Variants in COP1 observed in about 807,000 individuals in gnomAD.
COP1 encodes COP1 E3 ubiquitin ligase, also known as E3 ubiquitin-protein ligase COP1.
COP1 carries 24 observed loss-of-function variants against 101.3 expected under a neutral mutation model. The ratio of observed to expected loss-of-function variants is 0.24; its 90% CI spans 0.17 to 0.33. The LOEUF is 0.33. COP1 is among the 10% of genes least tolerant of loss of function. The pLI is 1.00. For missense variants in COP1, 663 were observed against 906.2 expected (o/e 0.73, Z 3.45); for synonymous variants, 347 against 341.9 (o/e 1.01, Z -0.17).
intron 18 of COP1, among the ~76,000 whole-genome samples, chr1:175,951,657 G>C (rs1197952183): frequency 6.6e-6 from 1 of 151,692 alleles, no homozygotes; most frequent in Non-Finnish European, 1.5e-5. Flanking sequence ...GGCAATTTCT[G>C]GACCACAAAG....
intron 18 of COP1, among the ~76,000 whole-genome samples, chr1:175,969,685 G>A (rs1652866085): frequency 6.6e-6 from 1 of 152,140 alleles, no homozygotes; most frequent in Admixed American, 6.5e-5. Flanking sequence ...TCTATGTCAT[G>A]TAAAACTTAC....
At chr1:176,155,536 C>T (rs1693316011) in intron 5 of COP1, among the ~76,000 whole-genome samples, 1 of 151,800 alleles carries the variant, frequency 6.6e-6, no homozygotes, top group African/African-American at 2.4e-5. Flanking sequence ...TAGAAACCTA[C>T]AGGGAAAGGA....
chr1:176,117,893 T>C (rs1686476656), intron 8 of COP1, among the ~76,000 whole-genome samples: 1 of 151,090 alleles, frequency 6.6e-6, no homozygotes, highest in Admixed American at 6.6e-5. Context: ...AGACTCTGTC[T>C]CGAAAAACAA....
At chr1:176,045,647 TAG>T (rs1204379115) in intron 12 of COP1, among the ~76,000 whole-genome samples, 1 of 148,064 alleles carries the variant, frequency 6.8e-6, no homozygotes, top group Non-Finnish European at 1.5e-5. Flanking sequence ...AGATCAGGAG[TAG>T]AGTCTTAACA....
intron 8 of COP1, chr1:176,133,925 C>T (rs1280572131): frequency 4.1e-5 from 18 of 439,950 alleles, no homozygotes; most frequent in South Asian, 2.6e-4. Context: ...TATACACAGA[C>T]CAAGTCATTC....
At chr1:176,145,144 A>G (rs902941788) in intron 6 of COP1, among the ~76,000 whole-genome samples, 1 of 152,194 alleles carries the variant, frequency 6.6e-6, no homozygotes, top group African/African-American at 2.4e-5. Context: ...ATATATAAAT[A>G]TCAAACCATT....
At chr1:176,040,573 T>C (rs1255429579) in intron 14 of COP1, among the ~76,000 whole-genome samples, 1 of 152,074 alleles carries the variant, frequency 6.6e-6, no homozygotes, top group African/African-American at 2.4e-5. Context: ...GCCTCCAAAA[T>C]TGCTGGGATT....
intron 15 of COP1, among the ~76,000 whole-genome samples, chr1:176,023,735 A>AAAAAAAAAAAAAAAG (rs1553225858): frequency 9.3e-6 from 1 of 107,422 alleles, no homozygotes; most frequent in African/African-American, 3.2e-5. Flanking sequence ...AAAAAAAAAA[A>AAAAAAAAAAAAAAAG]AAAAGAAAAG....
chr1:176,147,775 C>G (rs1390322505), intron 6 of COP1, among the ~76,000 whole-genome samples: 1 of 152,144 alleles, frequency 6.6e-6, no homozygotes, highest in Non-Finnish European at 1.5e-5. Context: ...CATCAAAGGC[C>G]AAATGAAGAT....
intron 18 of COP1, among the ~76,000 whole-genome samples, chr1:175,974,540 T>G (rs374310847): frequency 1.3e-5 from 2 of 152,132 alleles, no homozygotes; most frequent in African/African-American, 4.8e-5. Context: ...ATGTTAAAAC[T>G]GTATGAAATA....
At chr1:176,031,367 A>C (rs1668626015) in intron 14 of COP1, among the ~76,000 whole-genome samples, 1 of 152,208 alleles carries the variant, frequency 6.6e-6, no homozygotes, top group Admixed American at 6.5e-5. Flanking sequence ...AATATAAATG[A>C]GGCGATCCTC....
chr1:176,066,903 C>A (rs1200870590), intron 11 of COP1, among the ~76,000 whole-genome samples: 1 of 152,112 alleles, frequency 6.6e-6, no homozygotes, highest in Non-Finnish European at 1.5e-5. Flanking sequence ...CAGTTGGTTA[C>A]CAGCTGTTTT....
chr1:175,992,083 A>AT (rs568530173), intron 15 of COP1, among the ~76,000 whole-genome samples: 6 of 152,038 alleles, frequency 3.9e-5, no homozygotes, highest in South Asian at 4.1e-4. Context: ...AACATTTTTA[A>AT]TTTTTTTTGA....
At chr1:175,989,100 A>T (rs1470117083) in intron 16 of COP1, 2 of 282,418 alleles carry the variant, frequency 7.1e-6, no homozygotes, top group Non-Finnish European at 1.3e-5. Context: ...AATTAAACAT[A>T]GGAGGATGAG....
intron 15 of COP1, among the ~76,000 whole-genome samples, chr1:176,009,620 A>C (rs1378611590): frequency 2.0e-5 from 3 of 152,152 alleles, no homozygotes; most frequent in East Asian, 3.9e-4. Flanking sequence ...GTATTGGAGT[A>C]CTCATAACCA....
intron 18 of COP1, among the ~76,000 whole-genome samples, chr1:175,971,939 C>T (rs1293619086): frequency 9.9e-5 from 15 of 152,068 alleles, no homozygotes; most frequent in Admixed American, 9.8e-4. Context: ...TGAGACAGTA[C>T]CTAATCACTC....
chr1:176,073,514 C>T (rs1472563223), intron 11 of COP1, among the ~76,000 whole-genome samples: 4 of 152,206 alleles, frequency 2.6e-5, no homozygotes, highest in African/African-American at 7.2e-5. Context: ...CTATTTCTCT[C>T]TGGTGGACAC....
chr1:176,084,093 C>A (rs1450949365), intron 10 of COP1, among the ~76,000 whole-genome samples: 1 of 152,164 alleles, frequency 6.6e-6, no homozygotes, highest in East Asian at 1.9e-4. Context: ...CTCTTTCCCA[C>A]CTCTTTTTTT....
At chr1:176,030,945 T>A (rs1668554724) in intron 14 of COP1, among the ~76,000 whole-genome samples, 1 of 151,872 alleles carries the variant, frequency 6.6e-6, no homozygotes, top group South Asian at 2.1e-4. Flanking sequence ...AGAGAGAGAT[T>A]TAGAGACAAA....
Sources: allele counts gnomAD v4.1 joint callset (sites outside exome capture counted in the v4.1 genomes callset), GRCh38; gene constraint gnomAD v4.1.1; transcripts MANE v1.5; gene names NCBI Gene and HGNC (gene_info 2026-07-23, HGNC 2026-07-21).